The following PCDHGA7 variants were observed in gnomAD, a reference collection of about 807,000 sequenced individuals.
The protein encoded by PCDHGA7 is protocadherin gamma-A7.
PCDHGA7 carries 44 observed loss-of-function variants against 58.3 expected under a neutral mutation model. The observed-to-expected ratio is 0.75, with a 90% CI of 0.59 to 0.97. PCDHGA7 has a LOEUF of 0.97. Ranked by LOEUF, PCDHGA7 falls within the 50% of genes least tolerant of loss-of-function variation. The pLI, the probability that PCDHGA7 is intolerant of heterozygous loss-of-function variation, is 0.00. For missense variants in PCDHGA7, 1,266 were observed against 1,188.7 expected, an observed-to-expected ratio of 1.06 and a Z score of -0.96; for synonymous variants, 516 against 504.2, an observed-to-expected ratio of 1.02 and a Z score of -0.31.
At position 141,398,050 on chromosome 5, in the gene PCDHGA7, T is replaced by C. The variant is rs558695876; in HGVS notation, c.2424+12727T>C. Reference sequence around the variant, plus strand: ...ACTGGAACTAAAGCCCGTTCGGAGATCCAAAAATCTACAATACAGAGGTTA... The same window carrying C: ...ACTGGAACTAAAGCCCGTTCGGAGACCCAAAAATCTACAATACAGAGGTTA... On this transcript the variant is annotated intron_variant, in intron 1 of 3. Coordinates refer to ENST00000518325, the MANE Select transcript of PCDHGA7 (RefSeq NM_018920.4). 12 of 1,510,524 alleles carry C rather than the reference T, an allele frequency of 7.9e-6. No individual in the cohort carries two copies. The African/African-American group carries it at 1.1e-4, about 14-fold the overall frequency. 93.6% of individuals were successfully genotyped at this position (1,510,524 alleles called of 1,614,324 possible). A position where few individuals can be genotyped will look rare whatever the true frequency, so the allele number is the denominator to read the frequency against.
chr5:141,435,396 G>A (rs562717014), intron 1 of PCDHGA7, among the ~76,000 whole-genome samples: 46 of 152,096 alleles, frequency 3.0e-4, no homozygotes, highest in African/African-American at 9.4e-4. Context: ...TTGCCATGAC[G>A]AAAAATGGTA....
At position 141,382,795 on chromosome 5, in the gene PCDHGA7, T is replaced by C; in HGVS notation, c.-105T>C. On this transcript the variant is annotated 5_prime_UTR_variant, in exon 1 of 4. Transcript: ENST00000518325. ...CACTAAACTCAAGCCTCTATCCTGC[T>C]GGATTCTGAGCTCCCCTTCCTAAGA... The C allele has an allele frequency of 1.0e-6, 1 of 982,614 alleles. No homozygotes were observed. Among genetic ancestry groups the C allele is most frequent in the South Asian group, 1.7e-5 (1 of 57,950 alleles). The allele number at this position is 982,614 out of a possible 1,614,324, so 60.9% of individuals were successfully genotyped here. A position where few individuals can be genotyped will look rare whatever the true frequency, so the allele number is the denominator to read the frequency against.
chr5:141,503,773 C>A (rs961986223), intron 2 of PCDHGA7, among the ~76,000 whole-genome samples: 1 of 152,204 alleles, frequency 6.6e-6, no homozygotes. Context: ...TGTGTCTGTT[C>A]TTAGGCTGAG....
chr5:141,419,539 G>A, intron 1 of PCDHGA7: 3 of 1,612,058 alleles, frequency 1.9e-6, no homozygotes, highest in Non-Finnish European at 2.5e-6. Flanking sequence ...ACAACGCACC[G>A]CGGGTGCTGT....
chr5:141,455,627 A>G (rs1426625737), intron 1 of PCDHGA7, among the ~76,000 whole-genome samples: 2 of 152,104 alleles, frequency 1.3e-5, no homozygotes, highest in East Asian at 3.9e-4. Context: ...ACACGTGGAG[A>G]TATGTGGGGG....
At chr5:141,446,837 T>G (rs2098518039) in intron 1 of PCDHGA7, among the ~76,000 whole-genome samples, 1 of 152,168 alleles carries the variant, frequency 6.6e-6, no homozygotes, top group South Asian at 2.1e-4. Flanking sequence ...CTTATAAGGC[T>G]GAGCATAATA....
intron 1 of PCDHGA7, chr5:141,393,519 A>G: frequency 6.2e-7 from 1 of 1,614,036 alleles, no homozygotes; most frequent in African/African-American, 1.3e-5. Flanking sequence ...GTTGGATACA[A>G]ATGACAATGC....
chr5:141,487,530 T>C lies in PCDHGA7; in HGVS notation c.2425-7277T>C. The stretch of plus-strand genomic sequence containing the variant: ...GCACCCACTCGGAGTGATAGCTTCA[T>C]GATGGTGAAGTCACCCAGTGCACCT... On this transcript the variant is annotated intron_variant, in intron 1 of 3. Coordinates refer to ENST00000518325, the MANE Select transcript of PCDHGA7 (RefSeq NM_018920.4). This position sits in a 1 kb window ranked among gnomAD's most constrained non-coding sequence, Gnocchi z 5.0. The C allele has an allele frequency of 6.2e-7, 1 of 1,614,218 alleles. No individual in the cohort carries two copies. The highest frequency in any genetic ancestry group is 8.5e-7 in the Non-Finnish European group (1 of 1,180,040).
intron 1 of PCDHGA7, among the ~76,000 whole-genome samples, chr5:141,454,836 C>T (rs1201514890): frequency 1.3e-4 from 11 of 85,100 alleles, no homozygotes; most frequent in African/African-American, 2.1e-4. Context: ...GAGACAGAGT[C>T]GCGCTCTGTC....
At chr5:141,399,504 A>G (rs754910149) in intron 1 of PCDHGA7, 3 of 1,614,000 alleles carry the variant, frequency 1.9e-6, no homozygotes, top group Non-Finnish European at 2.5e-6. Context: ...GTGTACCCGA[A>G]AACAACCCTC....
chr5:141,412,415 T>C (rs897201034), intron 1 of PCDHGA7: 5 of 152,248 alleles, frequency 3.3e-5, no homozygotes, highest in Non-Finnish European at 4.4e-5. Context: ...AGATAAAGTA[T>C]GTTTTACACA....
intron 1 of PCDHGA7, chr5:141,395,555 TGTGTG>T: frequency 9.9e-6 from 1 of 101,256 alleles, no homozygotes; most frequent in Non-Finnish European, 1.7e-5. Context: ...TGTGTGTGTG[TGTGTG>T]TGTGTGTGTG....
chr5:141,403,340 G>T, intron 1 of PCDHGA7: 3 of 1,613,982 alleles, frequency 1.9e-6, no homozygotes, highest in African/African-American at 1.3e-5. Flanking sequence ...TAACGACAGC[G>T]CCCCAAAGTT....
Position 141,384,133 on chromosome 5 carries a change from C to T in PCDHGA7, c.1234C>T (p.Arg412Trp), listed in dbSNP as rs770731491. 9.3e-6 allele frequency: 15 copies of T among 1,611,570 alleles called. No individual in the cohort carries two copies. Among genetic ancestry groups the T allele is most frequent in the Admixed American group, 1.7e-5 (1 of 59,646 alleles). The change falls in exon 1 of 4, where the codon CGG (arginine) becomes TGG (tryptophan). Residue 412 changes from arginine to tryptophan, a missense_variant. Coordinates refer to ENST00000518325, the MANE Select transcript of PCDHGA7 (RefSeq NM_018920.4). ...ATTGGTCACAACCAAAAACTTGGAC[C>T]GGGAAACACTCTCTTTGTATAACAT... is the stretch of plus-strand genomic sequence containing the variant. ...YRLVTTKNLD[R>W]ETLSLYNITL...
At position 141,431,525 on chromosome 5, in the gene PCDHGA7, G is replaced by A. The variant is rs1390184616; in HGVS notation, c.2424+46202G>A. The A allele has an allele frequency of 5.6e-6, 9 of 1,613,956 alleles. No individual in the cohort carries two copies. Among genetic ancestry groups the A allele is most frequent in the Non-Finnish European group, 7.6e-6 (9 of 1,180,044 alleles). ...CCGCGCGAGCGTTCCGGAGAATCTG[G>A]CCTTGGGCACGCAGCTGCTTGTAGT... On this transcript the variant is annotated intron_variant, in intron 1 of 3. Transcript: ENST00000518325. This position sits in a 1 kb window ranked among gnomAD's most constrained non-coding sequence, Gnocchi z 4.8.
chr5:141,434,906 C>A lies in PCDHGA7; in HGVS notation c.2424+49583C>A, dbSNP rs1044434492. ...AACAATCCAGTCCCCTTCCCTCATA[C>A]CTTATTTATGTACATATATTTTATA... On this transcript the variant is annotated intron_variant, in intron 1 of 3. Coordinates refer to ENST00000518325, the MANE Select transcript of PCDHGA7 (RefSeq NM_018920.4). Among the ~76,000 whole-genome samples the A allele has an allele frequency of 2.0e-5, 3 of 151,752 alleles. No individual in the cohort carries two copies. In the South Asian group the frequency reaches 6.2e-4, roughly 32 times the overall value.
intron 1 of PCDHGA7, among the ~76,000 whole-genome samples, chr5:141,472,497 G>A (rs1196427013): frequency 1.3e-5 from 2 of 151,958 alleles, no homozygotes; most frequent in Non-Finnish European, 2.9e-5. Context: ...ACGAGATCGT[G>A]CCACTGCACT....
At chr5:141,394,952 G>A (rs764724660) in intron 1 of PCDHGA7, 13 of 1,613,738 alleles carry the variant, frequency 8.1e-6, no homozygotes, top group African/African-American at 6.7e-5. Context: ...TGCTTCTGGG[G>A]CTCAGGCTGA....
chr5:141,385,991 T>C (rs1044328038), intron 1 of PCDHGA7: 1 of 152,222 alleles, frequency 6.6e-6, no homozygotes, highest in East Asian at 1.9e-4. Context: ...ATATGTCAAA[T>C]AAAATGTCAT....
Sources: allele counts gnomAD v4.1 joint callset (sites outside exome capture counted in the v4.1 genomes callset), GRCh38; gene constraint gnomAD v4.1.1; non-coding constraint Gnocchi (gnomAD v3.1); transcripts MANE v1.5; gene names NCBI Gene and HGNC (gene_info 2026-07-23, HGNC 2026-07-21).